Variants in DOK6 observed in about 807,000 individuals in gnomAD.
The protein encoded by DOK6 is docking protein 6.
Under a neutral mutation model 44.0 loss-of-function variants are expected in DOK6, and 22 were observed. The ratio of observed to expected loss-of-function variants is 0.50; its 90% CI spans 0.36 to 0.71. The LOEUF (loss-of-function observed/expected upper bound fraction) is 0.71, where lower values mean the gene tolerates loss of function less well. DOK6 is among the 30% of genes least tolerant of loss of function. The pLI, the probability that DOK6 is intolerant of heterozygous loss-of-function variation, is 0.00. For synonymous variants in DOK6, 166 were observed against 145.5 expected (o/e 1.14, Z -1.01); for missense variants, 340 against 416.4 (o/e 0.82, Z 1.60).
intron 1 of DOK6, among the ~76,000 whole-genome samples, chr18:69,529,887 C>T (rs572540099): frequency 7.9e-5 from 12 of 152,212 alleles, no homozygotes; most frequent in African/African-American, 2.4e-4. Context: ...ATATGTTAGG[C>T]ACTTTACATA....
At chr18:69,500,333 T>C (rs137990984) in intron 1 of DOK6, among the ~76,000 whole-genome samples, 301 of 152,276 alleles carry the variant, frequency 2.0e-3, no homozygotes, top group African/African-American at 6.7e-3. Flanking sequence ...CCCATTCTTC[T>C]GCATGGACAA....
chr18:69,635,362 G>A (rs575054351), intron 3 of DOK6, among the ~76,000 whole-genome samples: 1 of 152,176 alleles, frequency 6.6e-6, no homozygotes, highest in African/African-American at 2.4e-5. Context: ...GAAATGTTTT[G>A]CTCTGAGATG....
At chr18:69,760,535 T>C (rs562174834) in intron 7 of DOK6, among the ~76,000 whole-genome samples, 2 of 152,232 alleles carry the variant, frequency 1.3e-5, no homozygotes, top group African/African-American at 4.8e-5. Context: ...AAGTTCACCT[T>C]GGGAGAAAGC....
intron 7 of DOK6, among the ~76,000 whole-genome samples, chr18:69,800,757 A>G (rs11151540): frequency 0.19 from 29,210 of 152,164 alleles, 2,987 homozygotes; most frequent in East Asian, 0.28. Context: ...TGGACACTGC[A>G]CAGATTAGAA....
intron 1 of DOK6, among the ~76,000 whole-genome samples, chr18:69,455,542 A>C (rs937578476): frequency 6.6e-6 from 1 of 151,962 alleles, no homozygotes; most frequent in African/African-American, 2.4e-5. Context: ...TCTGTCTTTC[A>C]CTCTGTCTCT....
At chr18:69,583,277 A>C (rs4381690) in intron 2 of DOK6, among the ~76,000 whole-genome samples, 1 of 152,130 alleles carries the variant, frequency 6.6e-6, no homozygotes, top group Admixed American at 6.5e-5. Flanking sequence ...GTTTTAACAC[A>C]CATTTGTAAT....
intron 3 of DOK6, among the ~76,000 whole-genome samples, chr18:69,619,830 C>A (rs1293494760): frequency 6.6e-6 from 1 of 152,110 alleles, no homozygotes; most frequent in Non-Finnish European, 1.5e-5. Context: ...TAAACATACA[C>A]ACGCACACAT....
chr18:69,725,201 CAG>C (rs1224563652), intron 5 of DOK6, among the ~76,000 whole-genome samples: 1 of 152,172 alleles, frequency 6.6e-6, no homozygotes, highest in Non-Finnish European at 1.5e-5. Context: ...AAACAAGCGT[CAG>C]AATCTTACTC....
chr18:69,775,184 T>C (rs747722642), intron 7 of DOK6, among the ~76,000 whole-genome samples: 13 of 151,946 alleles, frequency 8.6e-5, no homozygotes, highest in Non-Finnish European at 1.8e-4. Flanking sequence ...TATGCAAGAA[T>C]AAATACTAAA....
intron 2 of DOK6, among the ~76,000 whole-genome samples, chr18:69,597,593 A>C (rs185043992): frequency 6.6e-6 from 1 of 152,342 alleles, no homozygotes; most frequent in East Asian, 1.9e-4. Context: ...CCATTTTTAA[A>C]AGTGTAGTCA....
chr18:69,824,292 G>A (rs145762816), intron 7 of DOK6, among the ~76,000 whole-genome samples: 1,962 of 147,110 alleles, frequency 0.013, 29 homozygotes, highest in South Asian at 0.061. Context: ...GAGAACATGC[G>A]GTGTTTGGTT....
chr18:69,637,344 C>T (rs902122366), intron 3 of DOK6, among the ~76,000 whole-genome samples: 3 of 152,132 alleles, frequency 2.0e-5, no homozygotes, highest in Non-Finnish European at 4.4e-5. Flanking sequence ...ATTTGTCAGG[C>T]ACATTTACAT....
chr18:69,612,704 C>T (rs1026070701), intron 3 of DOK6, among the ~76,000 whole-genome samples: 3 of 151,066 alleles, frequency 2.0e-5, no homozygotes, highest in African/African-American at 4.9e-5. Flanking sequence ...GATTTGAACT[C>T]AGTGAGGACA....
intron 5 of DOK6, among the ~76,000 whole-genome samples, chr18:69,735,375 C>G (rs373261565): frequency 6.6e-6 from 1 of 152,076 alleles, no homozygotes; most frequent in Non-Finnish European, 1.5e-5. Context: ...AGAAGACTCA[C>G]AAGACTCAGA....
At chr18:69,563,991 CAT>C (rs954368472) in intron 1 of DOK6, among the ~76,000 whole-genome samples, 12 of 152,180 alleles carry the variant, frequency 7.9e-5, no homozygotes, top group South Asian at 2.1e-4. Flanking sequence ...GTGTGAGACA[CAT>C]GTGTTCATAA....
intron 1 of DOK6, among the ~76,000 whole-genome samples, chr18:69,545,335 A>G (rs1982375014): frequency 6.7e-6 from 1 of 150,290 alleles, no homozygotes; most frequent in Admixed American, 6.7e-5. Flanking sequence ...GTACTCTACA[A>G]CTAGTTTTCA....
chr18:69,639,600 T>C (rs1224734777), intron 3 of DOK6, among the ~76,000 whole-genome samples: 2 of 152,148 alleles, frequency 1.3e-5, no homozygotes, highest in Non-Finnish European at 1.5e-5. Context: ...TTGTAAGGTG[T>C]TACAGGATCC....
intron 7 of DOK6, among the ~76,000 whole-genome samples, chr18:69,786,671 G>A (rs1422363533): frequency 6.6e-6 from 1 of 152,196 alleles, no homozygotes; most frequent in Non-Finnish European, 1.5e-5. Flanking sequence ...TAGTGCCTTA[G>A]CACAAAGCTT....
chr18:69,621,586 G>A (rs1251841172), intron 3 of DOK6, among the ~76,000 whole-genome samples: 1 of 152,142 alleles, frequency 6.6e-6, no homozygotes, highest in African/African-American at 2.4e-5. Context: ...AGCTGGATAA[G>A]CTGGGGAGTG....
Sources: gnomAD v4.1 joint callset for allele counts (sites outside exome capture counted in the v4.1 genomes callset) on GRCh38, gnomAD v4.1.1 for gene constraint, MANE v1.5 for transcripts, NCBI Gene and HGNC (gene_info 2026-07-23, HGNC 2026-07-21) for gene names.